RTN3: variants seen among roughly 807,000 people sequenced by gnomAD.
RTN3 encodes the protein reticulon-3.
RTN3 carries 49 observed loss-of-function variants against 77.8 expected under a neutral mutation model. The observed-to-expected ratio is 0.63, with a 90% confidence interval of 0.50 to 0.80. The LOEUF (loss-of-function observed/expected upper bound fraction) is 0.80, where lower values mean the gene tolerates loss of function less well. Ranked by LOEUF, RTN3 falls within the 30% of genes least tolerant of loss-of-function variation. The pLI is 0.00. For missense variants in RTN3, 1,236 were observed against 1,211.9 expected (o/e 1.02, Z -0.29); for synonymous variants, 464 against 446.9 (o/e 1.04, Z -0.48).
intron 1 of RTN3, among the ~76,000 whole-genome samples, chr11:63,688,877 G>A (rs923952904): frequency 6.6e-6 from 1 of 152,140 alleles, no homozygotes; most frequent in African/African-American, 2.4e-5. Flanking sequence ...TGGTTGAAGG[G>A]AAAAGGGAAA....
In RTN3 at chr11:63,756,168, A is replaced by G; in HGVS notation, c.3051A>G (p.Glu1017=). The G allele has an allele frequency of 6.2e-7, 1 of 1,608,656 alleles. No homozygotes were observed. The highest frequency in any genetic ancestry group is 8.5e-7 in the Non-Finnish European group (1 of 1,175,068). Residue 1017 remains glutamate (E), a splice_region_variant and synonymous_variant, in exon 8 of 9, where the codon GAA becomes GAG. Coordinates refer to ENST00000377819, the MANE Select transcript of RTN3 (RefSeq NM_001265589.2). ...IARDQTKSIV[E]KIQAKLPGIA... is the part of the protein sequence containing the mutation. Reference sequence around the variant, plus strand: ...GAGATCAGACCAAGTCAATTGTTGAAAAGTAAGTACATTTAGAGACCACAT... The same window carrying G: ...GAGATCAGACCAAGTCAATTGTTGAGAAGTAAGTACATTTAGAGACCACAT...
chr11:63,710,717 T>C (rs1300566266), intron 2 of RTN3, among the ~76,000 whole-genome samples: 1 of 152,134 alleles, frequency 6.6e-6, no homozygotes, highest in Non-Finnish European at 1.5e-5. Flanking sequence ...GTATTAAGGC[T>C]GTGGTTCTGA....
chr11:63,723,416 CTTTTTTTTT>C (rs747766171), intron 3 of RTN3, among the ~76,000 whole-genome samples: 1 of 136,272 alleles, frequency 7.3e-6, no homozygotes, highest in Non-Finnish European at 1.6e-5. Flanking sequence ...ATTTATTTAT[CTTTTTTTTT>C]TTTTTTTTAA....
chr11:63,746,289 C>T (rs2135031536), intron 3 of RTN3, among the ~76,000 whole-genome samples: 1 of 152,214 alleles, frequency 6.6e-6, no homozygotes, highest in South Asian at 2.1e-4. Context: ...CAAGGAAGTC[C>T]CGTATAATCT....
Position 63,718,730 on chromosome 11 carries a change from G to A in RTN3, c.228G>A (p.Glu76=). 6.3e-7 allele frequency: 1 copy of A among 1,597,164 alleles called. No individual in the cohort carries two copies. Among genetic ancestry groups the A allele is most frequent in the East Asian group, 2.2e-5 (1 of 44,818 alleles). ...GATTGAGCTCTCTTTGCTCTGATGA[G>A]CCATCTTCAGAAATTATGACTTCTT... is the stretch of plus-strand genomic sequence containing the variant. ...QEGLSSLCSD[E]PSSEIMTSSF... The change falls in exon 3 of 9, where the codon GAG becomes GAA. Residue 76 remains glutamate (E), a synonymous_variant. Coordinates refer to ENST00000377819, the MANE Select transcript of RTN3 (RefSeq NM_001265589.2).
At position 63,683,943 on chromosome 11, in the gene RTN3, C is replaced by CTTTTTTTTTTTTTT. The variant is rs35837590; in HGVS notation, c.142+2181_142+2194dup. ...TATTTCTTTCTCTTTTCTTTTCTTT[C>CTTTTTTTTTTTTTT]TTTTTTTTTTTTTTTTTTTTTTTTT... On this transcript the variant is annotated intron_variant, in intron 1 of 8. Transcript: ENST00000377819. Among the ~76,000 whole-genome samples, 208 of 58,924 alleles carry CTTTTTTTTTTTTTT rather than the reference C, an allele frequency of 3.5e-3. 2 individuals carry two copies. Among genetic ancestry groups the CTTTTTTTTTTTTTT allele is most frequent in the Non-Finnish European group, 4.8e-3 (144 of 30,134 alleles). The allele number at this position is 58,924 out of a possible 152,430, so 38.7% of individuals were successfully genotyped here.
rs1490962506 is a variant in RTN3, at chr11:63,758,392, TA to T, written c.*195del. The T allele has an allele frequency of 6.6e-7, 1 of 1,504,880 alleles. No homozygotes were observed. The highest frequency in any genetic ancestry group is 1.4e-5 in the African/African-American group (1 of 71,578). 93.2% of individuals were successfully genotyped at this position (1,504,880 alleles called of 1,614,324 possible). The stretch of plus-strand genomic sequence containing the variant: ...TCAAGCACAAAAATTGATGGACTGA[TA>T]AAAGAACTATCTTAGAACTCAGAAG... On this transcript the variant is annotated 3_prime_UTR_variant, in exon 9 of 9. Coordinates refer to ENST00000377819, the MANE Select transcript of RTN3 (RefSeq NM_001265589.2).
intron 4 of RTN3, 44 bp downstream of exon 4, chr11:63,750,242 G>A (rs190111806): frequency 2.3e-4 from 346 of 1,507,666 alleles, no homozygotes; most frequent in Non-Finnish European, 3.1e-4. Context: ...TTTAGTGGAA[G>A]GGTTCACTGA....
chr11:63,716,979 C>CAAAAAAAA (rs6144367), intron 2 of RTN3, among the ~76,000 whole-genome samples: 14 of 120,256 alleles, frequency 1.2e-4, no homozygotes, highest in Non-Finnish European at 1.5e-4. Context: ...AAAAAAAAAA[C>CAAAAAAAA]AAAAAAAAAA....
At chr11:63,748,949 T>C (rs899766662) in intron 3 of RTN3, among the ~76,000 whole-genome samples, 1 of 151,980 alleles carries the variant, frequency 6.6e-6, no homozygotes, top group African/African-American at 2.4e-5. Context: ...ATTACAGGCG[T>C]GAGCCACCAT....
At chr11:63,721,146 A>T in intron 3 of RTN3, 114 bp downstream of exon 3, 1 of 890,494 alleles carries the variant, frequency 1.1e-6, no homozygotes, top group Non-Finnish European at 1.7e-6. Flanking sequence ...AAAATACAAA[A>T]ACAATATGCT....
At chr11:63,684,398 C>T (rs1941256561) in intron 1 of RTN3, among the ~76,000 whole-genome samples, 1 of 152,094 alleles carries the variant, frequency 6.6e-6, no homozygotes, top group Non-Finnish European at 1.5e-5. Flanking sequence ...CCGCCCACCT[C>T]GGCCTCCCAA....
At chr11:63,732,268 C>T (rs992000108) in intron 3 of RTN3, among the ~76,000 whole-genome samples, 1 of 152,152 alleles carries the variant, frequency 6.6e-6, no homozygotes, top group African/African-American at 2.4e-5. Flanking sequence ...CAGCGATCCT[C>T]CTGCCTCAGC....
intron 3 of RTN3, among the ~76,000 whole-genome samples, chr11:63,738,017 G>C (rs1434876936): frequency 1.3e-5 from 2 of 152,144 alleles, no homozygotes; most frequent in Non-Finnish European, 2.9e-5. Context: ...CAAAATTTGG[G>C]CCTGAGTTTA....
chr11:63,758,216 G>T lies in RTN3; in HGVS notation c.*15G>T. 1 of 1,613,318 alleles carries T rather than the reference G, an allele frequency of 6.2e-7. No individual in the cohort carries two copies. Among genetic ancestry groups the T allele is most frequent in the Non-Finnish European group, 8.5e-7 (1 of 1,179,710 alleles). ...AGGCAGAATAAGTACATGGAAACCAGAAATGCAACAGTTACTAAAACACCA... is the reference window on the plus strand; with the variant it reads ...AGGCAGAATAAGTACATGGAAACCATAAATGCAACAGTTACTAAAACACCA... On this transcript the variant is annotated 3_prime_UTR_variant, in exon 9 of 9. Coordinates refer to ENST00000377819, the MANE Select transcript of RTN3 (RefSeq NM_001265589.2).
At chr11:63,690,972 A>T (rs1458819971) in intron 1 of RTN3, among the ~76,000 whole-genome samples, 1 of 152,118 alleles carries the variant, frequency 6.6e-6, no homozygotes, top group Non-Finnish European at 1.5e-5. Flanking sequence ...TAATTCCAGA[A>T]CATTTTTATT....
At position 63,758,571 on chromosome 11, in the gene RTN3, C is replaced by T; in HGVS notation, c.*370C>T. ...AGTTTTCAGCACTAGTCTTACTCAGCTATCCATTATAGTTTTGCCCTTAAG... is the reference window on the plus strand; with the variant it reads ...AGTTTTCAGCACTAGTCTTACTCAGTTATCCATTATAGTTTTGCCCTTAAG... On this transcript the variant is annotated 3_prime_UTR_variant, in exon 9 of 9. Transcript: ENST00000377819. 2.1e-6 allele frequency: 1 copy of T among 472,562 alleles called. No individual in the cohort carries two copies. 29.3% of individuals were successfully genotyped at this position (472,562 alleles called of 1,614,324 possible).
At chr11:63,742,619 T>TG (rs990387032) in intron 3 of RTN3, among the ~76,000 whole-genome samples, 25 of 151,890 alleles carry the variant, frequency 1.6e-4, no homozygotes, top group Non-Finnish European at 2.6e-4. Context: ...CACTCCAGCC[T>TG]GGGCAACAAG....
intron 3 of RTN3, among the ~76,000 whole-genome samples, chr11:63,747,247 G>A (rs1455540661): frequency 1.3e-5 from 2 of 152,186 alleles, no homozygotes; most frequent in Admixed American, 6.5e-5. Flanking sequence ...TACTGATGAC[G>A]TCGGCCCTCT....
Sources: gnomAD v4.1 joint callset for allele counts (sites outside exome capture counted in the v4.1 genomes callset) on GRCh38, gnomAD v4.1.1 for gene constraint, MANE v1.5 for transcripts, NCBI Gene and HGNC (gene_info 2026-07-23, HGNC 2026-07-21) for gene names.